CCDC88A: variants seen among roughly 807,000 people sequenced by gnomAD.
The protein encoded by CCDC88A is girdin.
In CCDC88A, 54 loss-of-function variants were observed where a neutral mutation model predicts 234.3. The ratio of observed to expected loss-of-function variants is 0.23; its 90% CI spans 0.19 to 0.29. CCDC88A has a LOEUF of 0.29. CCDC88A is among the 10% of genes least tolerant of loss of function. CCDC88A has a pLI of 1.00. For missense variants in CCDC88A, 1,832 were observed against 2,123.4 expected (o/e 0.86, Z 2.70); for synonymous variants, 753 against 737.8 (o/e 1.02, Z -0.33).
rs183641260 is a variant in CCDC88A, at chr2:55,291,427, T to A, written c.*35+249A>T. On this transcript the variant is annotated intron_variant, in intron 32 of 32. Transcript: ENST00000436346. ...AACTAAAAAAGTAATTCCTAGAACATAATTCACTAGTAAAATTAAATTTAA... is the reference window on the plus strand; with the variant it reads ...AACTAAAAAAGTAATTCCTAGAACAAAATTCACTAGTAAAATTAAATTTAA... 362 of 259,774 alleles carry A rather than the reference T, an allele frequency of 1.4e-3. 3 individuals carry two copies. Among genetic ancestry groups the A allele is most frequent in the African/African-American group, 7.6e-3 (345 of 45,210 alleles). The allele number at this position is 259,774 out of a possible 1,614,324, so 16.1% of individuals were successfully genotyped here. A position where few individuals can be genotyped will look rare whatever the true frequency, so the allele number is the denominator to read the frequency against.
At chr2:55,405,425 G>T (rs1163722317) in intron 2 of CCDC88A, 1 of 152,036 alleles carries the variant, frequency 6.6e-6, no homozygotes, top group African/African-American at 2.4e-5. Flanking sequence ...ACAGATTAAT[G>T]AAAGAAAAGA....
intron 25 of CCDC88A, among the ~76,000 whole-genome samples, chr2:55,304,515 A>G (rs532084361): frequency 4.8e-4 from 71 of 148,886 alleles, no homozygotes; most frequent in Non-Finnish European, 8.0e-4. Context: ...GAAAGAGGGG[A>G]AAAAAAAGAG....
rs989764815 is a variant in CCDC88A, at chr2:55,349,554, C to A, written c.846G>T (p.Glu282Asp). 6.2e-7 allele frequency: 1 copy of A among 1,612,966 alleles called. No individual in the cohort carries two copies. The highest frequency in any genetic ancestry group is 8.5e-7 in the Non-Finnish European group (1 of 1,179,606). The change falls in exon 9 of 33, where the codon GAG (glutamate) becomes GAT (aspartate). Residue 282 changes from glutamate to aspartate, a missense_variant. Glu to Asp is a conservative substitution (Grantham distance 45, BLOSUM62 2). Coordinates refer to ENST00000436346, the MANE Select transcript of CCDC88A (RefSeq NM_001365480.1). Reference protein sequence around the residue: ...EQLLDCKQELEQMEIELKRLQ... With the variant: ...EQLLDCKQELDQMEIELKRLQ... Reference sequence around the variant, plus strand: ...GCCTTTTGAGTTCTATTTCCATTTGCTCAAGTTCTTGTTTACAATCCAACA... The same window carrying A: ...GCCTTTTGAGTTCTATTTCCATTTGATCAAGTTCTTGTTTACAATCCAACA...
intron 32 of CCDC88A, chr2:55,291,368 T>G (rs556969992): frequency 3.3e-3 from 580 of 174,906 alleles, no homozygotes; most frequent in African/African-American, 0.011. Context: ...AAGAAAACTG[T>G]GGGGAAGTTG....
chr2:55,368,233 C>T (rs896553540), intron 5 of CCDC88A, among the ~76,000 whole-genome samples: 1 of 152,056 alleles, frequency 6.6e-6, no homozygotes, highest in South Asian at 2.1e-4. Flanking sequence ...CAAGCCCTGG[C>T]CTTGGATGGT....
chr2:55,349,096 T>C (rs951230624), intron 9 of CCDC88A: 1 of 153,996 alleles, frequency 6.5e-6, no homozygotes, highest in Non-Finnish European at 1.4e-5. Context: ...AAAGTTTTAA[T>C]CTTATTTAAT....
intron 9 of CCDC88A, among the ~76,000 whole-genome samples, chr2:55,347,565 CG>C (rs1482484007): frequency 6.9e-6 from 1 of 144,484 alleles, no homozygotes; most frequent in Non-Finnish European, 1.5e-5. Flanking sequence ...TGGAAAATAA[CG>C]GTTATTTCAT....
In CCDC88A at chr2:55,419,526, A is replaced by G; in HGVS notation, c.-447T>C. The G allele has an allele frequency of 1.6e-5, 2 of 126,728 alleles. No homozygotes were observed. Among genetic ancestry groups the G allele is most frequent in the Admixed American group, 7.7e-5 (1 of 12,992 alleles). 7.9% of individuals were successfully genotyped at this position (126,728 alleles called of 1,614,324 possible). The stretch of plus-strand genomic sequence containing the variant: ...ACGTTAAGGATACCGAGGCGCCACC[A>G]GACTCGACCTCGGCGTTCCGACCTC... On this transcript the variant is annotated 5_prime_UTR_variant, in exon 1 of 33. Transcript: ENST00000436346.
chr2:55,317,438 C>G lies in CCDC88A; in HGVS notation c.3603-89G>C. 8.4e-7 allele frequency: 1 copy of G among 1,196,192 alleles called. No homozygotes were observed. The highest frequency in any genetic ancestry group is 1.1e-6 in the Non-Finnish European group (1 of 883,592). The allele number at this position is 1,196,192 out of a possible 1,614,324, so 74.1% of individuals were successfully genotyped here. A position where few individuals can be genotyped will look rare whatever the true frequency, so the allele number is the denominator to read the frequency against. On this transcript the variant is annotated intron_variant, in intron 20 of 32. Coordinates refer to ENST00000436346, the MANE Select transcript of CCDC88A (RefSeq NM_001365480.1). The surrounding 1 kb of genome is among the most constrained non-coding windows in gnomAD (Gnocchi z 4.2). ...AATGAGTAATGAGTATCATTTAAAA[C>G]ACATGTAAATTTATATAAATTTCTT...
intron 3 of CCDC88A, among the ~76,000 whole-genome samples, chr2:55,378,028 G>A (rs542204603): frequency 3.9e-5 from 6 of 152,156 alleles, no homozygotes; most frequent in Admixed American, 1.3e-4. Flanking sequence ...TGGATCAACC[G>A]GAAACAACAA....
In CCDC88A at chr2:55,317,362, A is replaced by G; in HGVS notation, c.3603-13T>C. On this transcript the variant is annotated splice_polypyrimidine_tract_variant and intron_variant, in intron 20 of 32. Coordinates refer to ENST00000436346, the MANE Select transcript of CCDC88A (RefSeq NM_001365480.1). This position sits in a 1 kb window ranked among gnomAD's most constrained non-coding sequence, Gnocchi z 4.2. ...TAACTGATTGTAACTGGGGGGAAAA[A>G]AGGCATTTGGTTTATAATATTTACA... 6.8e-7 allele frequency: 1 copy of G among 1,460,090 alleles called. No individual in the cohort carries two copies. Among genetic ancestry groups the G allele is most frequent in the Non-Finnish European group, 9.1e-7 (1 of 1,101,080 alleles). The allele number at this position is 1,460,090 out of a possible 1,614,324, so 90.4% of individuals were successfully genotyped here.
chr2:55,304,660 T>C (rs1013557940), intron 25 of CCDC88A, among the ~76,000 whole-genome samples: 5 of 152,208 alleles, frequency 3.3e-5, no homozygotes, highest in Non-Finnish European at 7.4e-5. Flanking sequence ...TGAAGGAATT[T>C]GATTTTGTGA....
intron 2 of CCDC88A, chr2:55,416,984 A>G (rs1681601635): frequency 6.6e-6 from 1 of 151,978 alleles, no homozygotes; most frequent in Non-Finnish European, 1.5e-5. Flanking sequence ...AAATCTAAAG[A>G]AACTGAGAGG....
chr2:55,304,201 G>C (rs1395870042), intron 25 of CCDC88A, among the ~76,000 whole-genome samples: 2 of 152,136 alleles, frequency 1.3e-5, no homozygotes, highest in African/African-American at 4.8e-5. Flanking sequence ...TGGAGGGTGA[G>C]GCAGGAGGAT....
At chr2:55,392,433 C>G (rs940381340) in intron 2 of CCDC88A, among the ~76,000 whole-genome samples, 6 of 152,194 alleles carry the variant, frequency 3.9e-5, no homozygotes, top group African/African-American at 1.2e-4. Flanking sequence ...AAACTGACAG[C>G]TCTATAGCAT....
At chr2:55,331,332 C>T (rs1391835158) in intron 16 of CCDC88A, among the ~76,000 whole-genome samples, 1 of 152,164 alleles carries the variant, frequency 6.6e-6, no homozygotes, top group Non-Finnish European at 1.5e-5. Flanking sequence ...CATTGCTTGA[C>T]TTGAACTGAT....
At chr2:55,343,532 T>C (rs1469768595) in intron 12 of CCDC88A, 116 bp downstream of exon 12, 5 of 739,100 alleles carry the variant, frequency 6.8e-6, no homozygotes, top group African/African-American at 1.8e-5. Flanking sequence ...ATCATATCTA[T>C]GGAGACAGGT....
intron 2 of CCDC88A, 81 bp downstream of exon 2, chr2:55,418,735 G>A (rs1558864466): frequency 2.7e-6 from 3 of 1,110,378 alleles, no homozygotes; most frequent in Non-Finnish European, 4.1e-6. Context: ...CCAAATTAGG[G>A]GCTTAAAACA....
At chr2:55,297,102 T>G (rs1199701211) in intron 29 of CCDC88A, 1 of 19,710 alleles carries the variant, frequency 5.1e-5, no homozygotes, top group Non-Finnish European at 1.7e-4. Flanking sequence ...GAGAATTGCT[T>G]GATACTGGGG....
Sources: gnomAD v4.1 joint callset for allele counts (sites outside exome capture counted in the v4.1 genomes callset) on GRCh38, gnomAD v4.1.1 for gene constraint, Gnocchi (gnomAD v3.1) non-coding constraint, MANE v1.5 for transcripts, NCBI Gene and HGNC (gene_info 2026-07-23, HGNC 2026-07-21) for gene names.